TNFRSF11B: variants seen among roughly 807,000 people sequenced by gnomAD.
TNFRSF11B encodes the protein tumor necrosis factor receptor superfamily member 11B.
Under a neutral mutation model 43.4 loss-of-function variants are expected in TNFRSF11B, and 16 were observed. The observed-to-expected ratio is 0.37, with a 90% CI of 0.25 to 0.56. The LOEUF is 0.56. Ranked by LOEUF, TNFRSF11B falls within the 20% of genes least tolerant of loss-of-function variation. The pLI, the probability that TNFRSF11B is intolerant of heterozygous loss-of-function variation, is 0.80. For synonymous variants in TNFRSF11B, 185 were observed against 181.8 expected (o/e 1.02, Z -0.14); for missense variants, 444 against 490.1 (o/e 0.91, Z 0.89).
intron 1 of TNFRSF11B, among the ~76,000 whole-genome samples, chr8:118,942,058 A>C (rs11573860): frequency 2.0e-5 from 3 of 152,084 alleles, no homozygotes; most frequent in South Asian, 4.1e-4. Flanking sequence ...TTGTATGTTG[A>C]TATTTTTGAA....
rs1216679066 is a variant in TNFRSF11B, at chr8:118,933,152, G to C, written c.179C>G (p.Thr60Ser). Residue 60 changes from threonine (T) to serine (S), a missense_variant, in exon 2 of 5, where the codon ACC becomes AGC. Transcript: ENST00000297350. The part of the protein sequence containing the change: ...LKQHCTAKWK[T>S]VCAPCPDHYY... ...GTGGTCAGGGCAAGGGGCGCACACG[G>C]TCTTCCACTTTGCTGTACAGTGTTG... 1.2e-6 allele frequency: 2 copies of C among 1,614,186 alleles called. No individual in the cohort carries two copies. The highest frequency in any genetic ancestry group is 4.5e-5 in the East Asian group (2 of 44,874).
Position 118,928,945 on chromosome 8 carries a change from A to C in TNFRSF11B, c.401-16T>G. 6.2e-7 allele frequency: 1 copy of C among 1,613,258 alleles called. No individual in the cohort carries two copies. The highest frequency in any genetic ancestry group is 1.1e-5 in the South Asian group (1 of 91,064). On this transcript the variant is annotated splice_polypyrimidine_tract_variant and intron_variant, in intron 2 of 4. Coordinates refer to ENST00000297350, the MANE Select transcript of TNFRSF11B (RefSeq NM_002546.4). ...TCTGGGGTTCCTACAGAAAATACCA[A>C]GCAATTTAGTACCTTCTCCTCAAAT...
chr8:118,926,103 A>T (rs945529192), intron 4 of TNFRSF11B, among the ~76,000 whole-genome samples: 2 of 152,182 alleles, frequency 1.3e-5, no homozygotes, highest in African/African-American at 4.8e-5. Flanking sequence ...AGTAAATACA[A>T]CAGAGCTTCT....
chr8:118,936,386 C>A (rs1812406506), intron 1 of TNFRSF11B, among the ~76,000 whole-genome samples: 1 of 152,136 alleles, frequency 6.6e-6, no homozygotes, highest in South Asian at 2.1e-4. Flanking sequence ...AAAAGACAGG[C>A]TCTGTGTGGC....
At chr8:118,937,760 G>A (rs1036875301) in intron 1 of TNFRSF11B, among the ~76,000 whole-genome samples, 2 of 152,090 alleles carry the variant, frequency 1.3e-5, no homozygotes, top group Non-Finnish European at 2.9e-5. Context: ...CATCTAGAAG[G>A]ATCAATTAGT....
At chr8:118,938,042 C>A (rs1015399324) in intron 1 of TNFRSF11B, among the ~76,000 whole-genome samples, 1 of 152,092 alleles carries the variant, frequency 6.6e-6, no homozygotes, top group African/African-American at 2.4e-5. Context: ...CACAAATATA[C>A]AAATTTCTAA....
chr8:118,946,873 A>G (rs1387988131), intron 1 of TNFRSF11B, among the ~76,000 whole-genome samples: 2 of 152,198 alleles, frequency 1.3e-5, no homozygotes, highest in Non-Finnish European at 2.9e-5. Flanking sequence ...CATAAAATTT[A>G]TCAAACCAAA....
intron 1 of TNFRSF11B, among the ~76,000 whole-genome samples, chr8:118,935,502 A>T (rs1312608476): frequency 1.3e-5 from 2 of 152,178 alleles, no homozygotes; most frequent in Non-Finnish European, 2.9e-5. Flanking sequence ...TAATGCAAGA[A>T]AGCAAGATGA....
chr8:118,925,153 C>T (rs143549955), intron 4 of TNFRSF11B, among the ~76,000 whole-genome samples: 25 of 152,226 alleles, frequency 1.6e-4, no homozygotes, highest in African/African-American at 5.3e-4. Context: ...CATTAGTAGG[C>T]GCTAGTTGAT....
intron 1 of TNFRSF11B, among the ~76,000 whole-genome samples, chr8:118,934,967 G>C (rs1241485415): frequency 6.6e-6 from 1 of 152,206 alleles, no homozygotes; most frequent in East Asian, 1.9e-4. Flanking sequence ...TGTTTGGGCT[G>C]ATTTGACCTA....
At chr8:118,927,768 C>T (rs895927929) in intron 3 of TNFRSF11B, among the ~76,000 whole-genome samples, 1 of 152,040 alleles carries the variant, frequency 6.6e-6, no homozygotes, top group Non-Finnish European at 1.5e-5. Flanking sequence ...AAAAGCAAAT[C>T]ATCTTTAGTG....
In TNFRSF11B at chr8:118,924,623, G is replaced by A. The variant is rs140297643; in HGVS notation, c.957C>T (p.Cys319=). 407 of 1,614,126 alleles carry A rather than the reference G, an allele frequency of 2.5e-4. No individual in the cohort carries two copies. Among genetic ancestry groups the A allele is most frequent in the Non-Finnish European group, 3.3e-4 (395 of 1,180,028 alleles). Residue 319 remains cysteine, a synonymous_variant, in exon 5 of 5, where the codon TGC becomes TGT. Transcript: ENST00000297350. ...AEDIEKTIKA[C]KPSDQILKLL... ...GCTTCAGGATCTGGTCACTGGGTTT[G>A]CATGCCTTTATTGTTTTTTCAATGT...
At chr8:118,935,852 C>T (rs1300636569) in intron 1 of TNFRSF11B, among the ~76,000 whole-genome samples, 10 of 152,148 alleles carry the variant, frequency 6.6e-5, no homozygotes, top group African/African-American at 1.4e-4. Context: ...TGAGTCACAT[C>T]CTGGTAGGTA....
At chr8:118,925,150 A>G (rs901962008) in intron 4 of TNFRSF11B, among the ~76,000 whole-genome samples, 9 of 152,242 alleles carry the variant, frequency 5.9e-5, no homozygotes. Flanking sequence ...TTTCATTAGT[A>G]GGCGCTAGTT....
intron 1 of TNFRSF11B, among the ~76,000 whole-genome samples, chr8:118,942,810 A>C (rs1812506289): frequency 1.3e-5 from 2 of 152,146 alleles, no homozygotes; most frequent in Non-Finnish European, 2.9e-5. Flanking sequence ...AGCCTTTAAC[A>C]ACTGACTTTT....
intron 1 of TNFRSF11B, among the ~76,000 whole-genome samples, chr8:118,935,448 G>A (rs537215495): frequency 6.6e-6 from 1 of 152,308 alleles, no homozygotes; most frequent in East Asian, 1.9e-4. Flanking sequence ...ACAATAATAA[G>A]TGAAGAAATA....
chr8:118,931,976 G>T (rs1191861941), intron 2 of TNFRSF11B, among the ~76,000 whole-genome samples: 1 of 152,094 alleles, frequency 6.6e-6, no homozygotes. Context: ...GTCCAGGGGT[G>T]CTGCCAAAAT....
In TNFRSF11B at chr8:118,923,873, T is replaced by G. The variant is rs1035535781; in HGVS notation, c.*501A>C. Reference sequence around the variant, plus strand: ...ATAATAAACAGAATATAATTTTCTTTCTAAAATTAAGTCATACCGTTTCTT... The same window carrying G: ...ATAATAAACAGAATATAATTTTCTTGCTAAAATTAAGTCATACCGTTTCTT... On this transcript the variant is annotated 3_prime_UTR_variant, in exon 5 of 5. Coordinates refer to ENST00000297350, the MANE Select transcript of TNFRSF11B (RefSeq NM_002546.4). 6.5e-6 allele frequency: 1 copy of G among 152,856 alleles called. No individual in the cohort carries two copies. The highest frequency in any genetic ancestry group is 2.4e-5 in the African/African-American group (1 of 41,470). 9.5% of individuals were successfully genotyped at this position (152,856 alleles called of 1,614,324 possible).
chr8:118,951,775 C>A lies in TNFRSF11B; in HGVS notation c.30+17G>T. On this transcript the variant is annotated intron_variant, in intron 1 of 4. Coordinates refer to ENST00000297350, the MANE Select transcript of TNFRSF11B (RefSeq NM_002546.4). ...TCCCCAGGCGCCGGGCACCCGTCGG[C>A]TGGCCCAGGGACTTACCACGAGCGC... 1 of 1,585,386 alleles carries A rather than the reference C, an allele frequency of 6.3e-7. No individual in the cohort carries two copies. Among genetic ancestry groups the A allele is most frequent in the Non-Finnish European group, 8.6e-7 (1 of 1,165,888 alleles).
Sources: gnomAD v4.1 joint callset for allele counts (sites outside exome capture counted in the v4.1 genomes callset) on GRCh38, gnomAD v4.1.1 for gene constraint, MANE v1.5 for transcripts, NCBI Gene and HGNC (gene_info 2026-07-23, HGNC 2026-07-21) for gene names.